HBS1L: variants seen among roughly 807,000 people sequenced by gnomAD.
HBS1L encodes HBS1 like translational GTPase, also known as HBS1-like protein.
HBS1L carries 55 observed loss-of-function variants against 88.9 expected under a neutral mutation model. That is an observed-to-expected ratio of 0.62 (90% CI 0.50 to 0.77). The LOEUF is 0.77. Among genes scored for constraint, HBS1L ranks in the 30% least tolerant of loss-of-function variants. The probability of loss-of-function intolerance (pLI) is 0.00; values close to 1 mark genes in which losing one functional copy is unlikely to be tolerated. For missense variants in HBS1L, 741 were observed against 829.3 expected (o/e 0.89, Z 1.31); for synonymous variants, 267 against 288.5 (o/e 0.93, Z 0.76).
intron 16 of HBS1L, 143 bp from the exon 17 acceptor site, chr6:134,966,616 AAT>A (rs1486194246): frequency 1.8e-6 from 1 of 561,738 alleles, no homozygotes; most frequent in East Asian, 3.0e-5. Flanking sequence ...TTTGAATGAA[AAT>A]ATATGTCTTT....
In HBS1L at chr6:134,985,425, T is replaced by C; in HGVS notation, c.1424-16A>G. Reference sequence around the variant, plus strand: ...TTAAAGGAATCTGGAAAAAAGAAATTGCAAAAGGCAAGGTTTAATTTAAAA... The same window carrying C: ...TTAAAGGAATCTGGAAAAAAGAAATCGCAAAAGGCAAGGTTTAATTTAAAA... On this transcript the variant is annotated splice_polypyrimidine_tract_variant and intron_variant, in intron 11 of 17. Coordinates refer to ENST00000367837, the MANE Select transcript of HBS1L (RefSeq NM_006620.4). 1 of 1,548,392 alleles carries C rather than the reference T, an allele frequency of 6.5e-7. No individual in the cohort carries two copies. The highest frequency in any genetic ancestry group is 1.4e-5 in the African/African-American group (1 of 72,046).
chr6:135,027,959 G>A (rs1776281560), intron 4 of HBS1L, among the ~76,000 whole-genome samples: 1 of 151,876 alleles, frequency 6.6e-6, no homozygotes, highest in African/African-American at 2.4e-5. Flanking sequence ...TAGAGATGGG[G>A]TTTCACTATG....
chr6:134,978,137 A>T (rs1774704285), intron 15 of HBS1L, among the ~76,000 whole-genome samples: 1 of 151,998 alleles, frequency 6.6e-6, no homozygotes, highest in Non-Finnish European at 1.5e-5. Flanking sequence ...AATACATACC[A>T]ACTGGGTGGA....
chr6:134,965,221 T>G lies in HBS1L; in HGVS notation c.*58A>C. 1 of 1,391,762 alleles carries G rather than the reference T, an allele frequency of 7.2e-7. No homozygotes were observed. The allele number at this position is 1,391,762 out of a possible 1,614,324, so 86.2% of individuals were successfully genotyped here. A position where few individuals can be genotyped will look rare whatever the true frequency, so the allele number is the denominator to read the frequency against. On this transcript the variant is annotated 3_prime_UTR_variant, in exon 18 of 18. Coordinates refer to ENST00000367837, the MANE Select transcript of HBS1L (RefSeq NM_006620.4). ...TTCCTTTGACTTAATAACTGCATTC[T>G]TGAAACAGAGGTTAGCTATTTCACT...
chr6:135,040,199 C>CT (rs1776687708), intron 3 of HBS1L, among the ~76,000 whole-genome samples: 2 of 152,116 alleles, frequency 1.3e-5, no homozygotes, highest in Non-Finnish European at 2.9e-5. Flanking sequence ...AAGCTGCTAC[C>CT]TTAAGTTTCC....
chr6:135,042,825 AC>A (rs757155288), intron 2 of HBS1L, among the ~76,000 whole-genome samples: 1 of 42,700 alleles, frequency 2.3e-5, no homozygotes, highest in African/African-American at 6.8e-5. Flanking sequence ...AAAAAAAAAA[AC>A]AAAAAAAAAA....
chr6:134,974,496 T>C (rs1774585863), intron 15 of HBS1L, among the ~76,000 whole-genome samples: 3 of 152,020 alleles, frequency 2.0e-5, no homozygotes, highest in Non-Finnish European at 4.4e-5. Context: ...TAAACACAGA[T>C]GCAAAAATCC....
chr6:135,054,001 T>C (rs1285309760), intron 1 of HBS1L, among the ~76,000 whole-genome samples: 3 of 152,262 alleles, frequency 2.0e-5, no homozygotes, highest in African/African-American at 2.4e-5. Flanking sequence ...AATACATTTA[T>C]ATCAAGCATT....
rs34343700 is a variant in HBS1L at position 135,024,549 on chromosome 6, GTT to G, written c.430+15022_430+15023del. Among the ~76,000 whole-genome samples the G allele has an allele frequency of 9.5e-3, 1,361 of 143,654 alleles. 17 individuals are homozygous for G. The highest frequency in any genetic ancestry group is 0.031 in the African/African-American group (1,240 of 39,750). The allele number at this position is 143,654 out of a possible 152,430, so 94.2% of individuals were successfully genotyped here. A position where few individuals can be genotyped will look rare whatever the true frequency, so the allele number is the denominator to read the frequency against. On this transcript the variant is annotated intron_variant, in intron 4 of 17. Transcript: ENST00000367837. The stretch of plus-strand genomic sequence containing the variant: ...TACTCAGTTTTATACTCTTGGGGGT[GTT>G]TTTTTTTTTTCTTGGTAGGTTTAAG...
intron 4 of HBS1L, among the ~76,000 whole-genome samples, chr6:135,024,025 C>T (rs1196072533): frequency 1.3e-5 from 2 of 152,070 alleles, no homozygotes; most frequent in Non-Finnish European, 2.9e-5. Flanking sequence ...CAATAGGAAT[C>T]GTTAAGAGTG....
chr6:134,973,947 TATAAA>T (rs1314877797), intron 15 of HBS1L, among the ~76,000 whole-genome samples: 2 of 151,912 alleles, frequency 1.3e-5, no homozygotes, highest in Non-Finnish European at 2.9e-5. Flanking sequence ...TATATATATA[TATAAA>T]ATAATAAAAA....
At chr6:134,974,036 A>G (rs1346264129) in intron 15 of HBS1L, among the ~76,000 whole-genome samples, 4 of 152,110 alleles carry the variant, frequency 2.6e-5, no homozygotes, top group Non-Finnish European at 5.9e-5. Flanking sequence ...GTAAGAGAGA[A>G]GATTCAAATA....
chr6:135,038,148 G>C (rs1260709468), intron 4 of HBS1L: 1 of 715,290 alleles, frequency 1.4e-6, no homozygotes. Context: ...TTTTGATTAT[G>C]ACATGAATAA....
In HBS1L at chr6:134,986,108, G is replaced by A; in HGVS notation, c.1381C>T (p.Leu461Phe). The change falls in exon 11 of 18, where the codon CTC becomes TTC. Residue 461 changes from leucine to phenylalanine, a missense_variant. Physicochemically the swap from Leu to Phe is conservative, Grantham distance 22. Coordinates refer to ENST00000367837, the MANE Select transcript of HBS1L (RefSeq NM_006620.4). ...CATAGTCCTTTATACCATTTTGTGA[G>A]TTCACTTGACTGAGATCTTGTGATT... ...NLITRSQSSELTKWYKGLCLL... is the reference protein window; with the variant it reads ...NLITRSQSSEFTKWYKGLCLL... 1 of 1,596,474 alleles carries A rather than the reference G, an allele frequency of 6.3e-7. No individual in the cohort carries two copies. The highest frequency in any genetic ancestry group is 2.2e-5 in the East Asian group (1 of 44,678).
intron 8 of HBS1L, among the ~76,000 whole-genome samples, chr6:134,989,289 T>G (rs1583078483): frequency 6.6e-6 from 1 of 152,216 alleles, no homozygotes; most frequent in African/African-American, 2.4e-5. Flanking sequence ...AGCTTTTGCT[T>G]TGTATGCATA....
At chr6:134,991,710 T>C (rs1290638054) in intron 8 of HBS1L, among the ~76,000 whole-genome samples, 2 of 152,198 alleles carry the variant, frequency 1.3e-5, no homozygotes, top group Non-Finnish European at 2.9e-5. Flanking sequence ...CAAAAAATTC[T>C]TATCTTCAAA....
At position 134,978,807 on chromosome 6, in the gene HBS1L, A is replaced by T. The variant is rs1339076746; in HGVS notation, c.1689-20T>A. 3 of 1,472,330 alleles carry T rather than the reference A, an allele frequency of 2.0e-6. No individual in the cohort carries two copies. In the African/African-American group the frequency reaches 4.2e-5, roughly 21 times the overall value. 91.2% of individuals were successfully genotyped at this position (1,472,330 alleles called of 1,614,324 possible). ...CCAACACTGTAAGAACAACAAAAAA[A>T]GAGGAAAGGTAATTGGGGGACAAAT... On this transcript the variant is annotated intron_variant, in intron 14 of 17. Transcript: ENST00000367837.
At chr6:135,033,192 C>T (rs920552984) in intron 4 of HBS1L, among the ~76,000 whole-genome samples, 13 of 151,944 alleles carry the variant, frequency 8.6e-5, no homozygotes, top group African/African-American at 2.9e-4. Context: ...ATTATTAATG[C>T]CCTTGATCAT....
rs1213102596 is a variant in HBS1L at position 134,993,764 on chromosome 6, T to G, written c.1077A>C (p.Ala359=). Residue 359 remains alanine, a synonymous_variant, in exon 8 of 18, where the codon GCA becomes GCC. Coordinates refer to ENST00000367837, the MANE Select transcript of HBS1L (RefSeq NM_006620.4). ...KDFIPNMITG[A]AQADVAVLVV... ...TGAAGAAAACAGCAGTTACCTGGGC[T>G]GCTCCTGTAATCATATTTGGAATGA... 1.1e-5 allele frequency: 17 copies of G among 1,526,712 alleles called. No individual in the cohort carries two copies. Among genetic ancestry groups the G allele is most frequent in the Non-Finnish European group, 1.5e-5 (17 of 1,114,264 alleles). 94.6% of individuals were successfully genotyped at this position (1,526,712 alleles called of 1,614,324 possible).
Sources: allele counts gnomAD v4.1 joint callset (sites outside exome capture counted in the v4.1 genomes callset), GRCh38; gene constraint gnomAD v4.1.1; transcripts MANE v1.5; gene names NCBI Gene and HGNC (gene_info 2026-07-23, HGNC 2026-07-21).